The following SMYD3 variants were observed in gnomAD, a reference collection of about 807,000 sequenced individuals.
SMYD3 encodes the protein histone-lysine N-methyltransferase SMYD3.
SMYD3 carries 36 observed loss-of-function variants against 57.7 expected under a neutral mutation model. The observed-to-expected ratio is 0.62, with a 90% confidence interval of 0.48 to 0.82. The LOEUF is 0.82. SMYD3 is among the 40% of genes least tolerant of loss of function. The pLI is 0.00. For synonymous variants in SMYD3, 211 were observed against 195.0 expected (o/e 1.08, Z -0.68); for missense variants, 515 against 538.8 (o/e 0.96, Z 0.44).
intron 11 of SMYD3, among the ~76,000 whole-genome samples, chr1:245,763,024 G>A (rs1387131610): frequency 6.6e-6 from 1 of 152,232 alleles, no homozygotes; most frequent in Non-Finnish European, 1.5e-5. Flanking sequence ...AGGAAGTTCT[G>A]CTGAGGTGGG....
intron 10 of SMYD3, among the ~76,000 whole-genome samples, chr1:245,855,776 T>C (rs990489777): frequency 1.3e-5 from 2 of 152,216 alleles, no homozygotes; most frequent in African/African-American, 4.8e-5. Context: ...ATAATTTGGA[T>C]TAAAATGGAA....
chr1:245,954,141 G>C (rs2057755130), intron 5 of SMYD3, among the ~76,000 whole-genome samples: 1 of 152,182 alleles, frequency 6.6e-6, no homozygotes, highest in Non-Finnish European at 1.5e-5. Flanking sequence ...GGTCAACACT[G>C]TAATTAGGAA....
At chr1:246,276,861 G>C (rs957954242) in intron 5 of SMYD3, among the ~76,000 whole-genome samples, 3 of 151,490 alleles carry the variant, frequency 2.0e-5, no homozygotes, top group African/African-American at 7.3e-5. Flanking sequence ...TTCACTAGCC[G>C]TATTAACACT....
At chr1:246,487,157 T>C (rs1481369445) in intron 1 of SMYD3, among the ~76,000 whole-genome samples, 2 of 152,148 alleles carry the variant, frequency 1.3e-5, no homozygotes, top group Non-Finnish European at 2.9e-5. Context: ...GTTCAAATAG[T>C]TGAAATATGG....
chr1:246,053,601 A>T (rs981486332), intron 5 of SMYD3, among the ~76,000 whole-genome samples: 1 of 152,160 alleles, frequency 6.6e-6, no homozygotes, highest in South Asian at 2.1e-4. Flanking sequence ...ACAACTGTAT[A>T]TTTGTGTGGA....
chr1:246,023,255 G>A (rs1313627435), intron 5 of SMYD3, among the ~76,000 whole-genome samples: 1 of 152,222 alleles, frequency 6.6e-6, no homozygotes, highest in East Asian at 1.9e-4. Flanking sequence ...GAGATGATAT[G>A]CTGAAGGCAC....
intron 5 of SMYD3, among the ~76,000 whole-genome samples, chr1:245,982,603 G>GT (rs1456003707): frequency 1.3e-5 from 2 of 152,022 alleles, no homozygotes; most frequent in Non-Finnish European, 2.9e-5. Flanking sequence ...GTTTTGTTTT[G>GT]TTTTTTACTA....
intron 5 of SMYD3, among the ~76,000 whole-genome samples, chr1:245,947,072 C>CA (rs1220498062): frequency 1.3e-5 from 2 of 152,164 alleles, no homozygotes; most frequent in East Asian, 1.9e-4. Context: ...CACGTACTGT[C>CA]AGATCGTCCA....
At chr1:245,869,083 A>T (rs898477297) in intron 8 of SMYD3, among the ~76,000 whole-genome samples, 1 of 152,182 alleles carries the variant, frequency 6.6e-6, no homozygotes, top group African/African-American at 2.4e-5. Flanking sequence ...AATTCAGGAC[A>T]AAGTTATTCA....
chr1:246,471,207 T>G (rs1183438794), intron 1 of SMYD3, among the ~76,000 whole-genome samples: 2 of 152,180 alleles, frequency 1.3e-5, no homozygotes, highest in Non-Finnish European at 1.5e-5. Context: ...TTAATTTTTA[T>G]TTATTTTTTT....
At chr1:245,966,437 G>A (rs1036033564) in intron 5 of SMYD3, among the ~76,000 whole-genome samples, 8 of 152,118 alleles carry the variant, frequency 5.3e-5, no homozygotes, top group Admixed American at 2.0e-4. Context: ...ACAAAGGGCC[G>A]GGATTACAGG....
At chr1:246,006,694 C>T (rs954707896) in intron 5 of SMYD3, among the ~76,000 whole-genome samples, 1 of 152,050 alleles carries the variant, frequency 6.6e-6, no homozygotes, top group Non-Finnish European at 1.5e-5. Context: ...AACAAAACTG[C>T]CCTGTCTTTC....
intron 5 of SMYD3, among the ~76,000 whole-genome samples, chr1:246,157,233 AGCAAGT>A (rs1017019013): frequency 6.6e-6 from 1 of 152,136 alleles, no homozygotes; most frequent in African/African-American, 2.4e-5. Context: ...TGGCCTTGCC[AGCAAGT>A]GTCCTTCAGG....
At chr1:245,817,071 T>C (rs574956353) in intron 10 of SMYD3, among the ~76,000 whole-genome samples, 4 of 150,322 alleles carry the variant, frequency 2.7e-5, no homozygotes. Context: ...TGCCTGCCTC[T>C]GTAGGCTCCA....
At chr1:245,877,309 C>T (rs909101462) in intron 8 of SMYD3, among the ~76,000 whole-genome samples, 2 of 151,952 alleles carry the variant, frequency 1.3e-5, no homozygotes, top group African/African-American at 2.4e-5. Context: ...AACGGTTCAT[C>T]GGGGGAAAGG....
intron 5 of SMYD3, among the ~76,000 whole-genome samples, chr1:246,095,498 T>G (rs1022455349): frequency 2.6e-5 from 4 of 152,130 alleles, no homozygotes; most frequent in African/African-American, 9.7e-5. Context: ...AGACAAATCA[T>G]GTCTAAAGGA....
intron 1 of SMYD3, among the ~76,000 whole-genome samples, chr1:246,412,220 C>A (rs2066987393): frequency 6.6e-6 from 1 of 152,192 alleles, no homozygotes; most frequent in Non-Finnish European, 1.5e-5. Flanking sequence ...GTAGCCCTCT[C>A]CCAGCCTGAA....
At chr1:246,029,993 C>CCTTT (rs1425933471) in intron 5 of SMYD3, among the ~76,000 whole-genome samples, 3 of 146,664 alleles carry the variant, frequency 2.0e-5, no homozygotes, top group Non-Finnish European at 3.0e-5. Context: ...CACTGGGTTT[C>CCTTT]CTTTCTTTCT....
intron 1 of SMYD3, among the ~76,000 whole-genome samples, chr1:246,476,492 T>C (rs950786900): frequency 6.6e-6 from 1 of 152,236 alleles, no homozygotes; most frequent in South Asian, 2.1e-4. Flanking sequence ...CTGATGCTGC[T>C]GGTCCACAGA....
Sources: allele counts gnomAD v4.1 joint callset (sites outside exome capture counted in the v4.1 genomes callset), GRCh38; gene constraint gnomAD v4.1.1; transcripts MANE v1.5; gene names NCBI Gene and HGNC (gene_info 2026-07-23, HGNC 2026-07-21).